CEP112: variants seen among roughly 807,000 people sequenced by gnomAD.
CEP112 encodes centrosomal protein of 112 kDa.
CEP112 carries 127 observed loss-of-function variants against 153.0 expected under a neutral mutation model. The ratio of observed to expected loss-of-function variants is 0.83; its 90% CI spans 0.72 to 0.96. The LOEUF is 0.96. CEP112 is among the 40% of genes least tolerant of loss of function. The probability of loss-of-function intolerance (pLI) is 0.00; values close to 1 mark genes in which losing one functional copy is unlikely to be tolerated. For synonymous variants in CEP112, 358 were observed against 374.4 expected (o/e 0.96, Z 0.51); for missense variants, 1,089 against 1,101.2 (o/e 0.99, Z 0.16).
chr17:65,690,291 G>A (rs1598322133), intron 23 of CEP112, among the ~76,000 whole-genome samples: 1 of 151,416 alleles, frequency 6.6e-6, no homozygotes, highest in Non-Finnish European at 1.5e-5. Flanking sequence ...CTGGGTGTGG[G>A]GGTGCAAACC....
intron 4 of CEP112, among the ~76,000 whole-genome samples, chr17:66,153,860 G>C (rs2071312705): frequency 6.6e-6 from 1 of 151,984 alleles, no homozygotes; most frequent in Non-Finnish European, 1.5e-5. Flanking sequence ...AGATCTCCTG[G>C]TTTACACAAA....
chr17:65,755,929 A>G (rs1052884901), intron 21 of CEP112, among the ~76,000 whole-genome samples: 17 of 152,184 alleles, frequency 1.1e-4, no homozygotes, highest in African/African-American at 3.9e-4. Flanking sequence ...AGAAGTCATC[A>G]GTTTATATAG....
chr17:66,153,534 T>C (rs1282579174), intron 4 of CEP112, among the ~76,000 whole-genome samples: 1 of 150,500 alleles, frequency 6.6e-6, no homozygotes. Flanking sequence ...ATTATAAAGA[T>C]ATCAATTCTT....
At chr17:65,841,220 T>C (rs979979060) in intron 21 of CEP112, among the ~76,000 whole-genome samples, 2 of 152,074 alleles carry the variant, frequency 1.3e-5, no homozygotes, top group Non-Finnish European at 2.9e-5. Context: ...GGAGCATTAT[T>C]CACCATAGCA....
At chr17:66,095,975 G>A (rs1271165471) in intron 8 of CEP112, among the ~76,000 whole-genome samples, 3 of 152,088 alleles carry the variant, frequency 2.0e-5, no homozygotes, top group Non-Finnish European at 4.4e-5. Flanking sequence ...CTACTCAGGA[G>A]GCTGAGGTGG....
At chr17:65,993,945 T>C (rs1390431346) in intron 17 of CEP112, among the ~76,000 whole-genome samples, 2 of 151,888 alleles carry the variant, frequency 1.3e-5, no homozygotes, top group African/African-American at 4.8e-5. Flanking sequence ...GGTATGTATG[T>C]TATACTTCAG....
intron 20 of CEP112, among the ~76,000 whole-genome samples, chr17:65,868,489 G>A (rs1423710238): frequency 6.7e-6 from 1 of 149,576 alleles, no homozygotes; most frequent in Non-Finnish European, 1.5e-5. Context: ...AACAAAGTGA[G>A]ACTCTGTCTC....
chr17:65,780,256 C>G (rs2053924139), intron 21 of CEP112, among the ~76,000 whole-genome samples: 1 of 152,050 alleles, frequency 6.6e-6, no homozygotes, highest in African/African-American at 2.4e-5. Flanking sequence ...ATGCATTTCC[C>G]CACCCTGCTC....
chr17:65,700,379 T>C (rs1413718206), intron 23 of CEP112, among the ~76,000 whole-genome samples: 1 of 152,134 alleles, frequency 6.6e-6, no homozygotes, highest in East Asian at 1.9e-4. Flanking sequence ...CCAAGCATTG[T>C]GACTGAACAC....
intron 4 of CEP112, among the ~76,000 whole-genome samples, chr17:66,150,143 G>A (rs1418314014): frequency 1.4e-5 from 2 of 139,216 alleles, no homozygotes; most frequent in African/African-American, 2.7e-5. Context: ...CTCATGATCC[G>A]CCCACCTCGG....
chr17:66,018,582 G>T (rs12451799), intron 16 of CEP112, among the ~76,000 whole-genome samples: 62,503 of 152,012 alleles, frequency 0.41, 14,312 homozygotes, highest in East Asian at 0.87. Flanking sequence ...CAATTTCATG[G>T]TTTAAAACAT....
chr17:65,922,088 C>G, intron 19 of CEP112, among the ~76,000 whole-genome samples: 1 of 152,058 alleles, frequency 6.6e-6, no homozygotes. Context: ...GCCTGTAATG[C>G]CACTAGCATG....
chr17:66,039,681 T>C (rs1158942201), intron 12 of CEP112, among the ~76,000 whole-genome samples: 1 of 152,142 alleles, frequency 6.6e-6, no homozygotes, highest in Non-Finnish European at 1.5e-5. Context: ...TTTTTAAAAA[T>C]TGAAAACTCA....
intron 18 of CEP112, among the ~76,000 whole-genome samples, chr17:65,959,207 CCT>C (rs1484876732): frequency 1.3e-5 from 2 of 152,004 alleles, no homozygotes; most frequent in African/African-American, 4.8e-5. Flanking sequence ...TCTAGGGCCT[CCT>C]CTCTGCTGAG....
chr17:65,815,251 A>G (rs2056202203), intron 21 of CEP112, among the ~76,000 whole-genome samples: 1 of 152,080 alleles, frequency 6.6e-6, no homozygotes, highest in Non-Finnish European at 1.5e-5. Context: ...TGAATACCCA[A>G]TTGTTCAGAA....
chr17:66,076,924 C>A (rs925555637), intron 8 of CEP112, among the ~76,000 whole-genome samples: 8 of 152,164 alleles, frequency 5.3e-5, no homozygotes, highest in African/African-American at 1.9e-4. Context: ...CAGGTAGACT[C>A]GCTGGGTGGC....
intron 21 of CEP112, among the ~76,000 whole-genome samples, chr17:65,847,635 T>C (rs1214803764): frequency 6.6e-6 from 1 of 152,172 alleles, no homozygotes; most frequent in Non-Finnish European, 1.5e-5. Context: ...TTCTAGGCAC[T>C]GGTGGTACAG....
At chr17:65,637,848 G>C (rs906647293) in intron 25 of CEP112, among the ~76,000 whole-genome samples, 6 of 152,206 alleles carry the variant, frequency 3.9e-5, no homozygotes, top group Non-Finnish European at 8.8e-5. Context: ...TTGAATGAAT[G>C]AATGAATGAG....
intron 25 of CEP112, 47 bp downstream of exon 25, chr17:65,640,917 A>G: frequency 9.6e-7 from 1 of 1,036,664 alleles, no homozygotes; most frequent in Non-Finnish European, 1.5e-6. Flanking sequence ...GTTTCTTTTC[A>G]GAGTATCCCC....
Sources: gnomAD v4.1 joint callset for allele counts (sites outside exome capture counted in the v4.1 genomes callset) on GRCh38, gnomAD v4.1.1 for gene constraint, MANE v1.5 for transcripts, NCBI Gene and HGNC (gene_info 2026-07-23, HGNC 2026-07-21) for gene names.